The following MAPK10 variants were observed in gnomAD, a reference collection of about 807,000 sequenced individuals.
The protein encoded by MAPK10 is JNK3 alpha protein kinase.
In MAPK10, 25 loss-of-function variants were observed where a neutral mutation model predicts 59.3. The ratio of observed to expected loss-of-function variants is 0.42; its 90% CI spans 0.31 to 0.59. The LOEUF is 0.59. Among genes scored for constraint, MAPK10 ranks in the 20% least tolerant of loss-of-function variants. The pLI, the probability that MAPK10 is intolerant of heterozygous loss-of-function variation, is 0.15. For missense variants in MAPK10, 351 were observed against 568.9 expected (o/e 0.62, Z 3.90); for synonymous variants, 190 against 200.5 (o/e 0.95, Z 0.44).
At chr4:86,232,219 T>C (rs964510292) in intron 2 of MAPK10, among the ~76,000 whole-genome samples, 2 of 152,236 alleles carry the variant, frequency 1.3e-5, no homozygotes, top group Non-Finnish European at 2.9e-5. Context: ...TATAGTTTGC[T>C]GATCCTGGTG....
At chr4:86,300,529 T>C (rs2095449277) in intron 2 of MAPK10, 1 of 152,202 alleles carries the variant, frequency 6.6e-6, no homozygotes, top group Non-Finnish European at 1.5e-5. Context: ...AAGTCACATT[T>C]GCTTTATAGA....
intron 1 of MAPK10, among the ~76,000 whole-genome samples, chr4:86,550,374 TAAAAAAAAAAAAAAAAAA>T (rs753508493): frequency 0.25 from 19,637 of 77,542 alleles, 2,085 homozygotes; most frequent in East Asian, 0.37. Flanking sequence ...GAGCTTCAGT[TAAAAAAAAAAAAAAAAAA>T]AAAAAAAAAA....
intron 2 of MAPK10, among the ~76,000 whole-genome samples, chr4:86,219,181 G>C (rs369189147): frequency 7.0e-4 from 105 of 150,506 alleles, no homozygotes; most frequent in African/African-American, 2.5e-3. Flanking sequence ...GAGAGACAGA[G>C]AGAGAGAGAG....
At chr4:86,387,947 A>T (rs1193829684) in intron 1 of MAPK10, among the ~76,000 whole-genome samples, 2 of 150,696 alleles carry the variant, frequency 1.3e-5, no homozygotes, top group Admixed American at 1.3e-4. Flanking sequence ...CTATTTTAAA[A>T]ATATATACAA....
At chr4:86,488,451 A>G (rs1754200617) in intron 1 of MAPK10, among the ~76,000 whole-genome samples, 1 of 152,260 alleles carries the variant, frequency 6.6e-6, no homozygotes, top group African/African-American at 2.4e-5. Flanking sequence ...CAATTTTCCC[A>G]TCCAGATATT....
At chr4:86,153,410 C>T (rs935439743) in intron 4 of MAPK10, among the ~76,000 whole-genome samples, 2 of 152,104 alleles carry the variant, frequency 1.3e-5, no homozygotes, top group Non-Finnish European at 2.9e-5. Context: ...AAGTTAATTA[C>T]AAATTAACTG....
chr4:86,538,152 T>A lies in MAPK10; in HGVS notation c.-263+55758A>T, dbSNP rs989463626. Among the ~76,000 whole-genome samples, 119 of 85,666 alleles carry A rather than the reference T, an allele frequency of 1.4e-3. 1 individual carries two copies. The highest frequency in any genetic ancestry group is 3.4e-3 in the African/African-American group (112 of 32,648). The allele number at this position is 85,666 out of a possible 152,430, so 56.2% of individuals were successfully genotyped here. A position where few individuals can be genotyped will look rare whatever the true frequency, so the allele number is the denominator to read the frequency against. On this transcript the variant is annotated intron_variant, in intron 1 of 4. Coordinates refer to the MAPK10 transcript ENST00000502302. ...AATTACTATAGCCTTATAATAAATC[T>A]TTTTTTTTTTTTAGACGGAGTTTCA... is the stretch of plus-strand genomic sequence containing the variant.
chr4:86,308,778 C>A (rs1488990540), intron 2 of MAPK10: 1 of 152,086 alleles, frequency 6.6e-6, no homozygotes, highest in Admixed American at 6.5e-5. Context: ...GAAAGCATAC[C>A]ATTTAAAAAT....
chr4:86,478,703 T>A (rs1015282758), intron 1 of MAPK10, among the ~76,000 whole-genome samples: 1 of 152,290 alleles, frequency 6.6e-6, no homozygotes, highest in East Asian at 1.9e-4. Context: ...ATCTCTCTGA[T>A]CCACCTGACA....
In MAPK10 at chr4:86,017,475, C is replaced by G. The variant is rs1049609992; in HGVS notation, c.1253-105G>C. ...GCAAATACAATAGGGGATGTCCAGTCCATCAATCATTTGGCAAGCCTTTAT... is the reference window on the plus strand; with the variant it reads ...GCAAATACAATAGGGGATGTCCAGTGCATCAATCATTTGGCAAGCCTTTAT... On this transcript the variant is annotated intron_variant, in intron 13 of 13. Transcript: ENST00000641462. The surrounding 1 kb of genome is among the most constrained non-coding windows in gnomAD (Gnocchi z 4.4). 7.9e-6 allele frequency: 10 copies of G among 1,258,280 alleles called. No individual in the cohort carries two copies. The African/African-American group carries it at 1.3e-4, about 17-fold the overall frequency. The allele number at this position is 1,258,280 out of a possible 1,614,324, so 77.9% of individuals were successfully genotyped here.
chr4:86,084,586 T>C (rs1561489885), intron 9 of MAPK10, among the ~76,000 whole-genome samples: 1 of 152,028 alleles, frequency 6.6e-6, no homozygotes, highest in Non-Finnish European at 1.5e-5. Context: ...AAAACACTGA[T>C]AAAAAAATTG....
intron 2 of MAPK10, among the ~76,000 whole-genome samples, chr4:86,237,044 T>C (rs1341890140): frequency 6.6e-6 from 1 of 151,998 alleles, no homozygotes; most frequent in Non-Finnish European, 1.5e-5. Flanking sequence ...TGTGTGTCCA[T>C]GTTTTCTCCA....
rs778298818 is a variant in MAPK10 at position 86,010,590 on chromosome 4, C to T, written c.*6638G>A. On this transcript the variant is annotated 3_prime_UTR_variant, in exon 14 of 14. Coordinates refer to ENST00000641462, the MANE Select transcript of MAPK10 (RefSeq NM_138982.4). The stretch of plus-strand genomic sequence containing the variant: ...CTCAGGGCTTGATTTACACCAAATC[C>T]AAGTTCGCAATGTATTAACATGAAG... 6.6e-6 allele frequency: 1 copy of T among 152,266 alleles called. No homozygotes were observed. The highest frequency in any genetic ancestry group is 1.5e-5 in the Non-Finnish European group (1 of 68,022). The allele number at this position is 152,266 out of a possible 1,614,324, so 9.4% of individuals were successfully genotyped here. A position where few individuals can be genotyped will look rare whatever the true frequency, so the allele number is the denominator to read the frequency against.
intron 3 of MAPK10, among the ~76,000 whole-genome samples, chr4:86,166,329 G>A (rs113810617): frequency 6.6e-6 from 1 of 152,130 alleles, no homozygotes; most frequent in Non-Finnish European, 1.5e-5. Context: ...TTCTTTAGTT[G>A]TAGAATGAGG....
chr4:86,591,894 C>G lies in MAPK10; in HGVS notation c.-263+2016G>C, dbSNP rs142904247. On this transcript the variant is annotated intron_variant, in intron 1 of 4. Coordinates refer to the MAPK10 transcript ENST00000502302. The stretch of plus-strand genomic sequence containing the variant: ...GTGAACATTCTTGCCTTGTACTTGA[C>G]TTCAATAGGAATAATTATGATGTTA... 2.7e-3 allele frequency among the ~76,000 whole-genome samples: 406 copies of G among 152,114 alleles called. 3 individuals are homozygous for G. Among genetic ancestry groups the G allele is most frequent in the African/African-American group, 9.2e-3 (383 of 41,512 alleles).
chr4:86,424,881 T>C lies in MAPK10; in HGVS notation c.-122+28149A>G, dbSNP rs182460827. 1.1e-4 allele frequency among the ~76,000 whole-genome samples: 16 copies of C among 152,182 alleles called. No individual in the cohort carries two copies. In the East Asian group the frequency reaches 2.7e-3, roughly 26 times the overall value. On this transcript the variant is annotated intron_variant, in intron 1 of 13. Coordinates refer to the MAPK10 transcript ENST00000361569. ...CCAGTAATTCAAGCATAATTGACCATAAGAAATATGTCCAGCTGGCAGATA... is the reference window on the plus strand; with the variant it reads ...CCAGTAATTCAAGCATAATTGACCACAAGAAATATGTCCAGCTGGCAGATA...
chr4:86,316,079 T>C (rs1270758771), intron 2 of MAPK10, among the ~76,000 whole-genome samples: 1 of 152,170 alleles, frequency 6.6e-6, no homozygotes, highest in Non-Finnish European at 1.5e-5. Flanking sequence ...AATGCCTCTG[T>C]AACAAACACT....
chr4:86,500,407 C>G (rs1020649840), intron 1 of MAPK10, among the ~76,000 whole-genome samples: 1 of 152,088 alleles, frequency 6.6e-6, no homozygotes, highest in East Asian at 1.9e-4. Flanking sequence ...GATAAGTTTG[C>G]GTACTGTGTG....
intron 1 of MAPK10, among the ~76,000 whole-genome samples, chr4:86,400,357 T>C (rs1259268640): frequency 1.3e-5 from 2 of 152,176 alleles, no homozygotes; most frequent in African/African-American, 4.8e-5. Context: ...CCAACATCTT[T>C]CAAACCCTGA....
Sources: gnomAD v4.1 joint callset for allele counts (sites outside exome capture counted in the v4.1 genomes callset) on GRCh38, gnomAD v4.1.1 for gene constraint, Gnocchi (gnomAD v3.1) non-coding constraint, MANE v1.5 for transcripts, NCBI Gene and HGNC (gene_info 2026-07-23, HGNC 2026-07-21) for gene names.